CSNK1D: variants seen among roughly 807,000 people sequenced by gnomAD.
The protein encoded by CSNK1D is casein kinase 1 delta.
A neutral mutation model predicts 46.6 loss-of-function variants in CSNK1D; 16 were observed. That is an observed-to-expected ratio of 0.34 (90% CI 0.23 to 0.52). CSNK1D has a LOEUF of 0.52. CSNK1D is among the 20% of genes least tolerant of loss of function. The pLI is 0.95. For synonymous variants in CSNK1D, 276 were observed against 228.2 expected (o/e 1.21, Z -1.89); for missense variants, 398 against 578.4 (o/e 0.69, Z 3.20).
chr17:82,258,256 G>A (rs2051233122), intron 2 of CSNK1D, among the ~76,000 whole-genome samples: 1 of 148,444 alleles, frequency 6.7e-6, no homozygotes, highest in East Asian at 2.0e-4. Flanking sequence ...ATATATATGT[G>A]TATTTATGTT....
chr17:82,256,246 C>A (rs964868379), intron 2 of CSNK1D, among the ~76,000 whole-genome samples: 1 of 152,210 alleles, frequency 6.6e-6, no homozygotes, highest in Non-Finnish European at 1.5e-5. Context: ...TGCAGTGGCT[C>A]ATGCCTGTAA....
chr17:82,263,528 T>C (rs548906053), intron 2 of CSNK1D, among the ~76,000 whole-genome samples: 1 of 152,260 alleles, frequency 6.6e-6, no homozygotes, highest in East Asian at 1.9e-4. Flanking sequence ...ACATCTACCA[T>C]GCAGAGAACG....
Position 82,248,784 on chromosome 17 carries a change from G to T in CSNK1D, c.1197+91C>A. 1 of 1,538,408 alleles carries T rather than the reference G, an allele frequency of 6.5e-7. No homozygotes were observed. Among genetic ancestry groups the T allele is most frequent in the Non-Finnish European group, 8.7e-7 (1 of 1,143,764 alleles). Reference sequence around the variant, plus strand: ...ACTCTCAAAAATGGGGGGAAGAAAGGAAAGAAGAAGCCCTGGAGAAACCAC... The same window carrying T: ...ACTCTCAAAAATGGGGGGAAGAAAGTAAAGAAGAAGCCCTGGAGAAACCAC... On this transcript the variant is annotated intron_variant, in intron 8 of 8. Coordinates refer to ENST00000314028, the MANE Select transcript of CSNK1D (RefSeq NM_001893.6). This position sits in a 1 kb window ranked among gnomAD's most constrained non-coding sequence, Gnocchi z 4.1.
chr17:82,269,512 C>T (rs1314165635), intron 1 of CSNK1D, among the ~76,000 whole-genome samples: 3 of 152,170 alleles, frequency 2.0e-5, no homozygotes, highest in Admixed American at 6.5e-5. Flanking sequence ...AGGGGAAAAA[C>T]GTGTGCTTCA....
downstream of CSNK1D, among the ~76,000 whole-genome samples, chr17:82,241,939 A>C (rs775650941): frequency 2.0e-4 from 31 of 152,162 alleles, no homozygotes; most frequent in Admixed American, 3.9e-4. Context: ...AGCAACCTCC[A>C]GGCAAGTGAC....
downstream of CSNK1D, chr17:82,240,003 A>G (rs1163862072): frequency 4.9e-6 from 6 of 1,233,544 alleles, no homozygotes; most frequent in Non-Finnish European, 6.1e-6. Context: ...GGCGCTGGGG[A>G]CGGCAGCGGG....
chr17:82,272,501 G>T (rs781730980), intron 1 of CSNK1D, among the ~76,000 whole-genome samples: 1 of 152,112 alleles, frequency 6.6e-6, no homozygotes, highest in East Asian at 1.9e-4. Flanking sequence ...CAGTCTAAAG[G>T]ACACCTCATG....
At chr17:82,259,912 G>A (rs2051279345) in intron 2 of CSNK1D, among the ~76,000 whole-genome samples, 2 of 152,156 alleles carry the variant, frequency 1.3e-5, no homozygotes, top group African/African-American at 4.8e-5. Flanking sequence ...TGTACTGAGT[G>A]ATGTGACTGA....
intron 2 of CSNK1D, among the ~76,000 whole-genome samples, chr17:82,264,797 CTTT>C (rs528693963): frequency 8.3e-5 from 11 of 133,320 alleles, no homozygotes; most frequent in South Asian, 2.4e-4. Context: ...CACACAAAAT[CTTT>C]TTTTTTTTTT....
intron 8 of CSNK1D, chr17:82,247,760 C>T (rs2050887719): frequency 1.0e-6 from 1 of 985,330 alleles, no homozygotes; most frequent in Non-Finnish European, 1.2e-6. Context: ...GCCCAGACCC[C>T]TCGAGCCCAA....
At chr17:82,268,726 C>T (rs965160827) in intron 1 of CSNK1D, among the ~76,000 whole-genome samples, 1 of 152,204 alleles carries the variant, frequency 6.6e-6, no homozygotes, top group African/African-American at 2.4e-5. Context: ...CAGGGCTTTC[C>T]TCAGTCCGTG....
rs751133990 is a variant in CSNK1D at position 82,251,630 on chromosome 17, GAGA to G, written c.737-106_737-104del. On this transcript the variant is annotated intron_variant, in intron 5 of 8. Coordinates refer to ENST00000314028, the MANE Select transcript of CSNK1D (RefSeq NM_001893.6). The surrounding 1 kb of genome is among the most constrained non-coding windows in gnomAD (Gnocchi z 4.5). ...CCTCCTGCTGCTGCACACTCAAGGG[GAGA>G]AGGACAGATGCAAAACACCTGTCAG... 1.2e-4 allele frequency: 143 copies of G among 1,153,386 alleles called. No individual in the cohort carries two copies. Among genetic ancestry groups the G allele is most frequent in the Non-Finnish European group, 1.7e-4 (130 of 779,296 alleles). The allele number at this position is 1,153,386 out of a possible 1,614,324, so 71.4% of individuals were successfully genotyped here. A position where few individuals can be genotyped will look rare whatever the true frequency, so the allele number is the denominator to read the frequency against.
At position 82,273,382 on chromosome 17, in the gene CSNK1D, G is replaced by T. The variant is rs1423678096; in HGVS notation, c.-1C>A. The T allele has an allele frequency of 1.4e-5, 22 of 1,610,616 alleles. No homozygotes were observed. In the East Asian group the frequency reaches 4.9e-4, roughly 36 times the overall value. ...ACCTGTTCCCGACTCTCAGCTCCAT[G>T]GCGGCGGCGGCCCGATTCGCTCCTG... On this transcript the variant is annotated 5_prime_UTR_variant, in exon 1 of 9. Coordinates refer to ENST00000314028, the MANE Select transcript of CSNK1D (RefSeq NM_001893.6). The surrounding 1 kb of genome is among the most constrained non-coding windows in gnomAD (Gnocchi z 5.1).
chr17:82,269,083 T>G (rs1233082629), intron 1 of CSNK1D, among the ~76,000 whole-genome samples: 2 of 127,030 alleles, frequency 1.6e-5, no homozygotes, highest in Non-Finnish European at 3.2e-5. Context: ...GGCAACAGAA[T>G]GATACTTTGT....
chr17:82,244,161 T>C lies in CSNK1D; in HGVS notation c.*620A>G, dbSNP rs1029028958. 6.9e-6 allele frequency: 7 copies of C among 1,007,762 alleles called. No homozygotes were observed. The highest frequency in any genetic ancestry group is 7.1e-6 in the Non-Finnish European group (6 of 841,846). The allele number at this position is 1,007,762 out of a possible 1,614,324, so 62.4% of individuals were successfully genotyped here. On this transcript the variant is annotated 3_prime_UTR_variant, in exon 9 of 9. Coordinates refer to ENST00000314028, the MANE Select transcript of CSNK1D (RefSeq NM_001893.6). ...GGGCACACACACACACCACGGACTT[T>C]TGATGAGAAATCTCCTCTCCAAAGC...
intron 2 of CSNK1D, among the ~76,000 whole-genome samples, chr17:82,264,888 C>T (rs1166130465): frequency 1.3e-5 from 2 of 151,528 alleles, no homozygotes; most frequent in Admixed American, 1.3e-4. Context: ...AGCTCTGCCT[C>T]CCGGGTTCAC....
At chr17:82,271,153 G>A (rs2051613108) in intron 1 of CSNK1D, among the ~76,000 whole-genome samples, 1 of 152,172 alleles carries the variant, frequency 6.6e-6, no homozygotes, top group Admixed American at 6.5e-5. Context: ...TTGGCTCACT[G>A]CAACCTCCGC....
downstream of CSNK1D, chr17:82,240,222 G>T: frequency 2.2e-6 from 1 of 447,724 alleles, no homozygotes; most frequent in African/African-American, 2.0e-5. Context: ...GGCGGGCAGT[G>T]CCAGCAGTTG....
chr17:82,243,369 G>A lies in CSNK1D; in HGVS notation c.*1412C>T. ...ACGAACACAGACTGCCCTGCGCATT[G>A]GGGTTGGGAGCACATGGCCACTGGC... On this transcript the variant is annotated 3_prime_UTR_variant, in exon 9 of 9. Coordinates refer to ENST00000314028, the MANE Select transcript of CSNK1D (RefSeq NM_001893.6). The A allele has an allele frequency of 1.0e-6, 1 of 985,556 alleles. No homozygotes were observed. The allele number at this position is 985,556 out of a possible 1,614,324, so 61.1% of individuals were successfully genotyped here.
Sources: gnomAD v4.1 joint callset for allele counts (sites outside exome capture counted in the v4.1 genomes callset) on GRCh38, gnomAD v4.1.1 for gene constraint, Gnocchi (gnomAD v3.1) non-coding constraint, MANE v1.5 for transcripts, NCBI Gene and HGNC (gene_info 2026-07-23, HGNC 2026-07-21) for gene names.